ARHGEF12: variants seen among roughly 807,000 people sequenced by gnomAD.
The protein encoded by ARHGEF12 is KMT2A/ARHGEF12 fusion protein.
Under a neutral mutation model 211.2 loss-of-function variants are expected in ARHGEF12, and 66 were observed. The ratio of observed to expected loss-of-function variants is 0.31; its 90% CI spans 0.26 to 0.38. ARHGEF12 has a LOEUF of 0.38. ARHGEF12 is among the 10% of genes least tolerant of loss of function. The pLI, the probability that ARHGEF12 is intolerant of heterozygous loss-of-function variation, is 1.00. For synonymous variants in ARHGEF12, 592 were observed against 638.4 expected (o/e 0.93, Z 1.09); for missense variants, 1,429 against 1,869.5 (o/e 0.76, Z 4.34).
At chr11:120,471,610 T>C (rs2135957852) in intron 30 of ARHGEF12, among the ~76,000 whole-genome samples, 1 of 152,308 alleles carries the variant, frequency 6.6e-6, no homozygotes, top group Admixed American at 6.5e-5. Flanking sequence ...TGTATGCAAA[T>C]TTTACTTTTT....
chr11:120,461,490 G>T (rs1946528606), intron 27 of ARHGEF12, among the ~76,000 whole-genome samples: 1 of 152,098 alleles, frequency 6.6e-6, no homozygotes, highest in African/African-American at 2.4e-5. Context: ...AGACAGAGTA[G>T]ATTTAGCATT....
At chr11:120,415,360 C>A (rs1483298220) in intron 4 of ARHGEF12, among the ~76,000 whole-genome samples, 1 of 152,108 alleles carries the variant, frequency 6.6e-6, no homozygotes, top group East Asian at 1.9e-4. Flanking sequence ...TCTTTGAGAA[C>A]AGAAACTCCA....
chr11:120,479,525 A>G (rs574273954), intron 37 of ARHGEF12, among the ~76,000 whole-genome samples: 1 of 152,374 alleles, frequency 6.6e-6, no homozygotes, highest in African/African-American at 2.4e-5. Context: ...ATATGCATAT[A>G]GTGTCTGGAT....
chr11:120,420,743 T>A lies in ARHGEF12; in HGVS notation c.200-10T>A. On this transcript the variant is annotated splice_polypyrimidine_tract_variant and intron_variant, in intron 4 of 40. Coordinates refer to ENST00000397843, the MANE Select transcript of ARHGEF12 (RefSeq NM_015313.3). ...CTTCCTTCTTGTTTTACACTGTGGT[T>A]CTTGTGCAGGTCTTGTTCAGCGTTG... is the stretch of plus-strand genomic sequence containing the variant. The A allele has an allele frequency of 5.0e-6, 8 of 1,612,130 alleles. No individual in the cohort carries two copies. Among genetic ancestry groups the A allele is most frequent in the Non-Finnish European group, 5.9e-6 (7 of 1,178,318 alleles).
At chr11:120,378,625 G>T (rs959793017) in intron 1 of ARHGEF12, among the ~76,000 whole-genome samples, 6 of 152,052 alleles carry the variant, frequency 3.9e-5, no homozygotes, top group African/African-American at 1.4e-4. Context: ...TTATGTTTAG[G>T]CCTATGATTC....
At chr11:120,477,651 G>A (rs1947090448) in intron 36 of ARHGEF12, 125 bp downstream of exon 36, 1 of 828,758 alleles carries the variant, frequency 1.2e-6, no homozygotes, top group African/African-American at 1.7e-5. Flanking sequence ...TATCACCTGA[G>A]GCCAGGAGTT....
chr11:120,385,593 A>C, intron 1 of ARHGEF12: 1 of 493,396 alleles, frequency 2.0e-6, no homozygotes, highest in Non-Finnish European at 2.6e-6. Flanking sequence ...AATAAAATAG[A>C]AAGGAAAAGG....
At chr11:120,449,481 A>T (rs1429192668) in intron 21 of ARHGEF12, 3 of 346,048 alleles carry the variant, frequency 8.7e-6, no homozygotes, top group African/African-American at 6.3e-5. Flanking sequence ...CAGGCGGATC[A>T]CAAGTTCAGG....
intron 27 of ARHGEF12, chr11:120,462,937 G>A (rs1946576584): frequency 1.3e-5 from 2 of 152,186 alleles, no homozygotes; most frequent in Admixed American, 1.3e-4. Context: ...GCAATATGTG[G>A]TATGTTACTC....
At chr11:120,469,972 T>C (rs1435385455) in intron 30 of ARHGEF12, among the ~76,000 whole-genome samples, 1 of 152,110 alleles carries the variant, frequency 6.6e-6, no homozygotes, top group East Asian at 1.9e-4. Context: ...AGAGGCAATA[T>C]ATACCAAAGT....
intron 1 of ARHGEF12, among the ~76,000 whole-genome samples, chr11:120,384,359 A>G (rs930245257): frequency 6.6e-6 from 1 of 152,194 alleles, no homozygotes; most frequent in African/African-American, 2.4e-5. Flanking sequence ...GATGTATTCA[A>G]ATGTTTTAAG....
At chr11:120,444,254 C>G (rs549244521) in intron 15 of ARHGEF12, among the ~76,000 whole-genome samples, 2 of 152,068 alleles carry the variant, frequency 1.3e-5, no homozygotes, top group Admixed American at 6.6e-5. Context: ...TATATTGAAG[C>G]ATGTTTGAAT....
intron 2 of ARHGEF12, among the ~76,000 whole-genome samples, chr11:120,407,043 A>C (rs1468778788): frequency 1.3e-5 from 2 of 152,142 alleles, no homozygotes; most frequent in Non-Finnish European, 2.9e-5. Context: ...GTAGTATGTC[A>C]TTCCTAATTA....
chr11:120,337,812 T>G, intron 1 of ARHGEF12: 1 of 985,418 alleles, frequency 1.0e-6, no homozygotes, highest in Non-Finnish European at 1.2e-6. Flanking sequence ...AATGTTGACA[T>G]TACCAGTAAA....
At chr11:120,405,944 A>AT in intron 1 of ARHGEF12, 174 bp from the exon 2 acceptor site, 1 of 525,384 alleles carries the variant, frequency 1.9e-6, no homozygotes, top group Non-Finnish European at 3.3e-6. Context: ...AAAGTAGTTA[A>AT]GATACTTAAA....
In ARHGEF12 at chr11:120,361,157, G is replaced by C. The variant is rs552533709; in HGVS notation, c.32+23882G>C. The stretch of plus-strand genomic sequence containing the variant: ...CTTTTGTTCCAAGAAGCCATCTAAA[G>C]TAGTTTATAGCAGGGGTCCCCAACC... On this transcript the variant is annotated intron_variant, in intron 1 of 40. Coordinates refer to ENST00000397843, the MANE Select transcript of ARHGEF12 (RefSeq NM_015313.3). 3.3e-3 allele frequency among the ~76,000 whole-genome samples: 500 copies of C among 152,330 alleles called. 7 individuals are homozygous for C. Among genetic ancestry groups the C allele is most frequent in the African/African-American group, 0.012 (485 of 41,580 alleles).
chr11:120,476,784 T>A, intron 34 of ARHGEF12, 36 bp downstream of exon 34: 1 of 1,471,842 alleles, frequency 6.8e-7, no homozygotes, highest in Non-Finnish European at 9.4e-7. Context: ...CTATAGCTAA[T>A]ATTTTCATTA....
intron 30 of ARHGEF12, among the ~76,000 whole-genome samples, chr11:120,471,302 A>T (rs1946859750): frequency 6.6e-6 from 1 of 152,228 alleles, no homozygotes. Flanking sequence ...CCACTAAGGC[A>T]CACAACATGG....
At chr11:120,458,597 A>G in intron 25 of ARHGEF12, 1 of 230,514 alleles carries the variant, frequency 4.3e-6, no homozygotes, top group Non-Finnish European at 8.4e-6. Flanking sequence ...AATAACGTGT[A>G]AGGAAAAAAA....
Sources: gnomAD v4.1 joint callset for allele counts (sites outside exome capture counted in the v4.1 genomes callset) on GRCh38, gnomAD v4.1.1 for gene constraint, MANE v1.5 for transcripts, NCBI Gene and HGNC (gene_info 2026-07-23, HGNC 2026-07-21) for gene names.